Variants in SCARB1 observed in about 807,000 individuals in gnomAD.
SCARB1 encodes scavenger receptor class B member 1, also known as CD36 and LIMPII analogous 1.
Under a neutral mutation model 57.2 loss-of-function variants are expected in SCARB1, and 30 were observed. The ratio of observed to expected loss-of-function variants is 0.52; its 90% confidence interval spans 0.39 to 0.71. The LOEUF is 0.71. SCARB1 is among the 30% of genes least tolerant of loss of function. The pLI, the probability that SCARB1 is intolerant of heterozygous loss-of-function variation, is 0.00. For synonymous variants in SCARB1, 249 were observed against 268.3 expected (o/e 0.93, Z 0.70); for missense variants, 543 against 671.2 (o/e 0.81, Z 2.11).
chr12:124,778,464 G>C lies in SCARB1; in HGVS notation c.*123C>G, dbSNP rs1378796835. ...TGCAACAGGCACATGGCAGCTGGGA[G>C]GCTCAGGCTGTGGGGCTGGGGGGCT... On this transcript the variant is annotated 3_prime_UTR_variant, in exon 13 of 13. Coordinates refer to ENST00000261693, the MANE Select transcript of SCARB1 (RefSeq NM_005505.5). The C allele has an allele frequency of 7.5e-7, 1 of 1,334,106 alleles. No individual in the cohort carries two copies. The highest frequency in any genetic ancestry group is 1.5e-5 in the African/African-American group (1 of 65,434). The allele number at this position is 1,334,106 out of a possible 1,614,324, so 82.6% of individuals were successfully genotyped here.
chr12:124,813,016 A>C (rs1467639872), intron 4 of SCARB1, among the ~76,000 whole-genome samples: 1 of 152,320 alleles, frequency 6.6e-6, no homozygotes, highest in East Asian at 1.9e-4. Context: ...TGATCATTAT[A>C]ATGGACGGAG....
At chr12:124,787,864 C>G (rs943819760) in intron 9 of SCARB1, among the ~76,000 whole-genome samples, 3 of 152,142 alleles carry the variant, frequency 2.0e-5, no homozygotes, top group Non-Finnish European at 2.9e-5. Flanking sequence ...GTTTTGATTT[C>G]TGCCATTTCT....
chr12:124,845,172 C>T (rs1039531414), intron 1 of SCARB1, among the ~76,000 whole-genome samples: 1 of 152,134 alleles, frequency 6.6e-6, no homozygotes, highest in East Asian at 1.9e-4. Flanking sequence ...AAGCGAGTTC[C>T]CGAACATGCG....
rs144792231 is a variant in SCARB1 at position 124,794,127 on chromosome 12, T to A, written c.1202+1068A>T. Among the ~76,000 whole-genome samples, 503 of 152,304 alleles carry A rather than the reference T, an allele frequency of 3.3e-3. 4 individuals are homozygous for A. The highest frequency in any genetic ancestry group is 0.012 in the African/African-American group (480 of 41,576). On this transcript the variant is annotated intron_variant, in intron 9 of 12. Coordinates refer to ENST00000261693, the MANE Select transcript of SCARB1 (RefSeq NM_005505.5). ...CAGAGACAGGAAGTGGATGAACGGT[T>A]GCCTGGGGCTGAGGGGACAGGGAAG... is the stretch of plus-strand genomic sequence containing the variant.
At chr12:124,808,068 C>A in intron 6 of SCARB1, 141 bp from the exon 7 acceptor site, 1 of 783,004 alleles carries the variant, frequency 1.3e-6, no homozygotes, top group Non-Finnish European at 2.2e-6. Flanking sequence ...ATCTCTCACC[C>A]GCGGAGCTGC....
At chr12:124,804,105 G>A (rs932893085) in intron 7 of SCARB1, among the ~76,000 whole-genome samples, 4 of 152,214 alleles carry the variant, frequency 2.6e-5, no homozygotes, top group South Asian at 2.1e-4. Flanking sequence ...AGTGGGGCCG[G>A]CCCACCCAGG....
At position 124,810,332 on chromosome 12, in the gene SCARB1, G is replaced by A; in HGVS notation, c.727-43C>T. ...GACTAGACCCCTCAGTAGGGCCAAG[G>A]CCCCTTAATAAGCCCTCTCAGGTGC... is the stretch of plus-strand genomic sequence containing the variant. On this transcript the variant is annotated intron_variant, in intron 5 of 12. Coordinates refer to ENST00000261693, the MANE Select transcript of SCARB1 (RefSeq NM_005505.5). This position sits in a 1 kb window ranked among gnomAD's most constrained non-coding sequence, Gnocchi z 4.0. The A allele has an allele frequency of 7.1e-7, 1 of 1,413,486 alleles. No individual in the cohort carries two copies. Among genetic ancestry groups the A allele is most frequent in the Non-Finnish European group, 1.0e-6 (1 of 997,734 alleles). The allele number at this position is 1,413,486 out of a possible 1,614,324, so 87.6% of individuals were successfully genotyped here. A position where few individuals can be genotyped will look rare whatever the true frequency, so the allele number is the denominator to read the frequency against.
intron 1 of SCARB1, among the ~76,000 whole-genome samples, chr12:124,849,770 T>C (rs1017551963): frequency 6.6e-6 from 1 of 152,218 alleles, no homozygotes; most frequent in Non-Finnish European, 1.5e-5. Flanking sequence ...CTTTCCCCGT[T>C]AGAGCAATTA....
At chr12:124,856,681 CA>C (rs1952643936) in intron 1 of SCARB1, among the ~76,000 whole-genome samples, 1 of 152,224 alleles carries the variant, frequency 6.6e-6, no homozygotes. Context: ...GGCTTTGCCC[CA>C]CATGTCCAAA....
rs188589621 is a variant in SCARB1 at position 124,822,310 on chromosome 12, T to C, written c.127-4603A>G. 1.3e-5 allele frequency among the ~76,000 whole-genome samples: 2 copies of C among 151,964 alleles called. No individual in the cohort carries two copies. Among genetic ancestry groups the C allele is most frequent in the African/African-American group, 4.8e-5 (2 of 41,400 alleles). On this transcript the variant is annotated intron_variant, in intron 1 of 12. Coordinates refer to ENST00000261693, the MANE Select transcript of SCARB1 (RefSeq NM_005505.5). The surrounding 1 kb of genome is among the most constrained non-coding windows in gnomAD (Gnocchi z 5.0). ...CAACAGATAAATGAATTGCCACATA[T>C]CCACACAATGGAATGCTACCTGGCA...
Position 124,789,215 on chromosome 12 carries a change from C to G in SCARB1, c.1203-1758G>C, listed in dbSNP as rs1331594072. Among the ~76,000 whole-genome samples, 1 of 152,202 alleles carries G rather than the reference C, an allele frequency of 6.6e-6. No individual in the cohort carries two copies. Among genetic ancestry groups the G allele is most frequent in the Non-Finnish European group, 1.5e-5 (1 of 68,044 alleles). On this transcript the variant is annotated intron_variant, in intron 9 of 12. Coordinates refer to ENST00000261693, the MANE Select transcript of SCARB1 (RefSeq NM_005505.5). The surrounding 1 kb of genome is among the most constrained non-coding windows in gnomAD (Gnocchi z 4.4). ...GTTGACGGAATGTACCCAAGATGCT[C>G]TGAAACTGGAACTTTCTCTCTGCGG...
intron 1 of SCARB1, among the ~76,000 whole-genome samples, chr12:124,832,552 T>C (rs1951448143): frequency 6.6e-6 from 1 of 151,864 alleles, no homozygotes; most frequent in African/African-American, 2.4e-5. Flanking sequence ...AACAGAAAGT[T>C]ATTTTAAAAC....
At chr12:124,829,023 G>A (rs1951281008) in intron 1 of SCARB1, among the ~76,000 whole-genome samples, 1 of 152,170 alleles carries the variant, frequency 6.6e-6, no homozygotes, top group African/African-American at 2.4e-5. Context: ...TACGACACAG[G>A]CTAATCCAAT....
chr12:124,796,733 C>T lies in SCARB1; in HGVS notation c.1129-1465G>A, dbSNP rs1949956114. Reference sequence around the variant, plus strand: ...CCCAGCATGCTGAGGACCTTCCAGGCCCCTGTGGCAAAGAAGAGCTCATTA... The same window carrying T: ...CCCAGCATGCTGAGGACCTTCCAGGTCCCTGTGGCAAAGAAGAGCTCATTA... On this transcript the variant is annotated intron_variant, in intron 8 of 12. Transcript: ENST00000261693. The surrounding 1 kb of genome is among the most constrained non-coding windows in gnomAD (Gnocchi z 4.0). Among the ~76,000 whole-genome samples, 1 of 152,170 alleles carries T rather than the reference C, an allele frequency of 6.6e-6. No homozygotes were observed. Among genetic ancestry groups the T allele is most frequent in the East Asian group, 1.9e-4 (1 of 5,196 alleles).
intron 7 of SCARB1, among the ~76,000 whole-genome samples, chr12:124,805,725 A>ATTTTT (rs755476758): frequency 5.5e-4 from 44 of 79,558 alleles, no homozygotes; most frequent in African/African-American, 2.0e-3. Context: ...TGCCTAGCTA[A>ATTTTT]TTTTTTTTTT....
chr12:124,808,120 C>T (rs779878396), intron 6 of SCARB1, among the ~76,000 whole-genome samples, 193 bp from the exon 7 acceptor site: 3 of 152,120 alleles, frequency 2.0e-5, no homozygotes, highest in Non-Finnish European at 4.4e-5. Flanking sequence ...CTCTGCCTCC[C>T]CACCCACATC....
intron 8 of SCARB1, among the ~76,000 whole-genome samples, chr12:124,799,112 A>T (rs1450847032): frequency 1.3e-5 from 2 of 152,242 alleles, no homozygotes; most frequent in East Asian, 3.8e-4. Flanking sequence ...ATACATCATC[A>T]GTATGTGAGG....
In SCARB1 at chr12:124,794,494, G is replaced by A. The variant is rs1949865612; in HGVS notation, c.1202+701C>T. Among the ~76,000 whole-genome samples, 4 of 145,396 alleles carry A rather than the reference G, an allele frequency of 2.8e-5. No individual in the cohort carries two copies. The South Asian group carries it at 6.6e-4, about 24-fold the overall frequency. ...CGGCTCACTGCAAGCTCCGCCTCCC[G>A]GGTTCACGCCATTCTCCTGCCTCAG... On this transcript the variant is annotated intron_variant, in intron 9 of 12. Coordinates refer to ENST00000261693, the MANE Select transcript of SCARB1 (RefSeq NM_005505.5).
chr12:124,844,797 AT>A (rs962506665), intron 1 of SCARB1, among the ~76,000 whole-genome samples: 1 of 148,228 alleles, frequency 6.7e-6, no homozygotes, highest in South Asian at 2.1e-4. Context: ...TGTTATGGAC[AT>A]TTTTTTCTTT....
Sources: allele counts gnomAD v4.1 joint callset (sites outside exome capture counted in the v4.1 genomes callset), GRCh38; gene constraint gnomAD v4.1.1; non-coding constraint Gnocchi (gnomAD v3.1); transcripts MANE v1.5; gene names NCBI Gene and HGNC (gene_info 2026-07-23, HGNC 2026-07-21).